ARMH1: variants seen among roughly 807,000 people sequenced by gnomAD.
ARMH1 encodes the protein armadillo-like helical domain containing protein 1.
Under a neutral mutation model 50.2 loss-of-function variants are expected in ARMH1, and 34 were observed. The ratio of observed to expected loss-of-function variants is 0.68; its 90% CI spans 0.51 to 0.90. The LOEUF (loss-of-function observed/expected upper bound fraction) is 0.90. Ranked by LOEUF, ARMH1 falls within the 40% of genes least tolerant of loss-of-function variation. ARMH1 has a pLI of 0.00. For missense variants in ARMH1, 538 were observed against 553.9 expected, an observed-to-expected ratio of 0.97 and a Z score of 0.29; for synonymous variants, 221 against 224.2, an observed-to-expected ratio of 0.99 and a Z score of 0.13.
chr1:44,704,974 A>G lies in ARMH1; in HGVS notation c.724+801A>G, dbSNP rs192085575. Among the ~76,000 whole-genome samples, 816 of 151,726 alleles carry G rather than the reference A, an allele frequency of 5.4e-3. 3 individuals are homozygous for G. Among genetic ancestry groups the G allele is most frequent in the Non-Finnish European group, 7.6e-3 (518 of 67,960 alleles). ...CTCAGCCTCCCAAGTAGCTGGGACT[A>G]CAGGCGCCTGTCACCATGCCCGGCT... On this transcript the variant is annotated intron_variant, in intron 6 of 11. Coordinates refer to ENST00000535358, the MANE Select transcript of ARMH1 (RefSeq NM_001145636.2).
At chr1:44,713,281 C>T (rs940077531) in intron 6 of ARMH1, among the ~76,000 whole-genome samples, 1 of 151,568 alleles carries the variant, frequency 6.6e-6, no homozygotes, top group Non-Finnish European at 1.5e-5. Context: ...ATATTTTTAG[C>T]GGGGATGGGG....
rs190849969 is a variant in ARMH1, at chr1:44,683,004, G to A, written c.-22-6672G>A. ...GAGTTTAGGCTGGGGCAAGCCCGAAGACCAGTGGAGGCTGTTGCAGTAATC... is the reference window on the plus strand; with the variant it reads ...GAGTTTAGGCTGGGGCAAGCCCGAAAACCAGTGGAGGCTGTTGCAGTAATC... On this transcript the variant is annotated intron_variant, in intron 1 of 11. Coordinates refer to ENST00000535358, the MANE Select transcript of ARMH1 (RefSeq NM_001145636.2). The surrounding 1 kb of genome is among the most constrained non-coding windows in gnomAD (Gnocchi z 4.2). Among the ~76,000 whole-genome samples, 56 of 152,340 alleles carry A rather than the reference G, an allele frequency of 3.7e-4. 1 individual carries two copies. The highest frequency in any genetic ancestry group is 3.4e-3 in the Middle Eastern group (1 of 294).
intron 1 of ARMH1, among the ~76,000 whole-genome samples, chr1:44,686,284 T>C (rs566031112): frequency 4.6e-5 from 7 of 152,140 alleles, no homozygotes; most frequent in East Asian, 1.9e-4. Flanking sequence ...AACCAAACAA[T>C]AGGAAAAAAA....
At chr1:44,725,110 C>T (rs938922272) in intron 10 of ARMH1, 26 bp from the exon 11 acceptor site, 58 of 1,551,442 alleles carry the variant, frequency 3.7e-5, no homozygotes, top group Non-Finnish European at 4.6e-5. Flanking sequence ...GCACCCCAGC[C>T]GGGTCCCCCT....
At chr1:44,690,241 T>G (rs1330618549) in intron 2 of ARMH1, among the ~76,000 whole-genome samples, 1 of 151,686 alleles carries the variant, frequency 6.6e-6, no homozygotes, top group East Asian at 1.9e-4. Context: ...AAACAAAAAT[T>G]AGGCAGCCTT....
chr1:44,715,732 G>C (rs563146957), intron 6 of ARMH1, among the ~76,000 whole-genome samples: 1 of 152,238 alleles, frequency 6.6e-6, no homozygotes, highest in Admixed American at 6.5e-5. Flanking sequence ...GCTAATTTTT[G>C]TATTTTTAGT....
At position 44,724,400 on chromosome 1, in the gene ARMH1, G is replaced by T. The variant is rs748401160; in HGVS notation, c.920+8G>T. 41 of 1,548,854 alleles carry T rather than the reference G, an allele frequency of 2.6e-5. No homozygotes were observed. Among genetic ancestry groups the T allele is most frequent in the Non-Finnish European group, 2.9e-5 (33 of 1,146,780 alleles). ...GGCCGCCAAGGCCATCGGGTAAGCG[G>T]GCAGGGGTTAGTGGGTAGCTGCAGC... On this transcript the variant is annotated splice_region_variant and intron_variant, in intron 8 of 11. Coordinates refer to ENST00000535358, the MANE Select transcript of ARMH1 (RefSeq NM_001145636.2). This position sits in a 1 kb window ranked among gnomAD's most constrained non-coding sequence, Gnocchi z 6.4.
At chr1:44,693,308 C>T (rs188210437) in intron 2 of ARMH1, among the ~76,000 whole-genome samples, 31 of 152,314 alleles carry the variant, frequency 2.0e-4, no homozygotes, top group African/African-American at 6.5e-4. Flanking sequence ...ATCTAGAGTT[C>T]CTTTTTCCTT....
chr1:44,710,492 T>C (rs898181880), intron 6 of ARMH1, among the ~76,000 whole-genome samples: 2 of 150,752 alleles, frequency 1.3e-5, no homozygotes, highest in South Asian at 2.1e-4. Flanking sequence ...GCCTGTAGTC[T>C]CAGCTACTCG....
At chr1:44,717,803 AGTCTTTTGTT>A (rs1366961172) in intron 6 of ARMH1, among the ~76,000 whole-genome samples, 3 of 152,390 alleles carry the variant, frequency 2.0e-5, no homozygotes, top group Non-Finnish European at 2.9e-5. Context: ...TGCCAAAGAT[AGTCTTTTGTT>A]GTCCTTTGCT....
intron 2 of ARMH1, among the ~76,000 whole-genome samples, chr1:44,692,458 C>A (rs1425768749): frequency 6.6e-6 from 1 of 152,080 alleles, no homozygotes; most frequent in African/African-American, 2.4e-5. Flanking sequence ...TCTCTTTCCC[C>A]CCACTGGATT....
chr1:44,695,527 G>A (rs1042960910), intron 2 of ARMH1, among the ~76,000 whole-genome samples: 10 of 131,998 alleles, frequency 7.6e-5, no homozygotes, highest in Admixed American at 5.2e-4. Context: ...GGTGGCTCAC[G>A]CCAGTATCTC....
chr1:44,699,505 G>A (rs563405179), intron 4 of ARMH1, among the ~76,000 whole-genome samples: 34 of 150,744 alleles, frequency 2.3e-4, no homozygotes, highest in Admixed American at 4.0e-4. Flanking sequence ...GCTGGAGTGT[G>A]GTGGCGCAAT....
At position 44,725,512 on chromosome 1, in the gene ARMH1, A is replaced by T. The variant is rs1280672647; in HGVS notation, c.*109A>T. ...GCCACTCCACTTGGCTCCAGGGGGG[A>T]GACGGGGATTAGGCATCCCAGAGGG... On this transcript the variant is annotated 3_prime_UTR_variant, in exon 12 of 12. Coordinates refer to ENST00000535358, the MANE Select transcript of ARMH1 (RefSeq NM_001145636.2). 2.9e-5 allele frequency: 33 copies of T among 1,120,222 alleles called. No individual in the cohort carries two copies. Among genetic ancestry groups the T allele is most frequent in the Admixed American group, 6.5e-5 (3 of 45,864 alleles). The allele number at this position is 1,120,222 out of a possible 1,614,324, so 69.4% of individuals were successfully genotyped here.
At chr1:44,696,992 G>T in intron 2 of ARMH1, 110 bp from the exon 3 acceptor site, 1 of 738,394 alleles carries the variant, frequency 1.4e-6, no homozygotes, top group Non-Finnish European at 2.4e-6. Context: ...AAGAGGCACA[G>T]TTCAGCTACT....
chr1:44,702,074 C>A (rs901909047), intron 5 of ARMH1, among the ~76,000 whole-genome samples: 3 of 152,128 alleles, frequency 2.0e-5, no homozygotes, highest in Admixed American at 1.3e-4. Flanking sequence ...CACTGCACTC[C>A]AGCCTGAGTG....
chr1:44,704,776 T>A (rs1352704840), intron 6 of ARMH1, among the ~76,000 whole-genome samples: 1 of 151,958 alleles, frequency 6.6e-6, no homozygotes, highest in Non-Finnish European at 1.5e-5. Context: ...CCACCCAAAG[T>A]GCTGGGATTA....
At chr1:44,694,185 C>A (rs369387654) in intron 2 of ARMH1, among the ~76,000 whole-genome samples, 24 of 152,148 alleles carry the variant, frequency 1.6e-4, no homozygotes, top group African/African-American at 5.6e-4. Context: ...GTGTTCTACA[C>A]CTAGAATTAT....
chr1:44,689,639 C>CA, intron 1 of ARMH1, 37 bp from the exon 2 acceptor site: 1 of 1,467,978 alleles, frequency 6.8e-7, no homozygotes, highest in South Asian at 1.2e-5. Flanking sequence ...TGATTCTAAA[C>CA]ATTCCGGTAA....
Sources: allele counts gnomAD v4.1 joint callset (sites outside exome capture counted in the v4.1 genomes callset), GRCh38; gene constraint gnomAD v4.1.1; non-coding constraint Gnocchi (gnomAD v3.1); transcripts MANE v1.5; gene names NCBI Gene and HGNC (gene_info 2026-07-23, HGNC 2026-07-21).